ATP8A2: variants seen among roughly 807,000 people sequenced by gnomAD.
ATP8A2 encodes the protein ATPase phospholipid transporting 8A2, also known as phospholipid-transporting ATPase IB.
In ATP8A2, 100 loss-of-function variants were observed where a neutral mutation model predicts 165.6. The ratio of observed to expected loss-of-function variants is 0.60; its 90% confidence interval spans 0.51 to 0.71. ATP8A2 has a LOEUF of 0.71. Ranked by LOEUF, ATP8A2 falls within the 30% of genes least tolerant of loss-of-function variation. The pLI, the probability that ATP8A2 is intolerant of heterozygous loss-of-function variation, is 0.00. For synonymous variants in ATP8A2, 543 were observed against 548.8 expected, an observed-to-expected ratio of 0.99 and a Z score of 0.15; for missense variants, 1,227 against 1,479.5, an observed-to-expected ratio of 0.83 and a Z score of 2.80.
chr13:25,561,190 T>C (rs2039143177), intron 15 of ATP8A2, among the ~76,000 whole-genome samples: 1 of 152,200 alleles, frequency 6.6e-6, no homozygotes, highest in Admixed American at 6.5e-5. Flanking sequence ...GGACCACCAG[T>C]GGGCCATTCT....
At chr13:25,932,129 T>A (rs1954784543) in intron 33 of ATP8A2, among the ~76,000 whole-genome samples, 2 of 151,268 alleles carry the variant, frequency 1.3e-5, no homozygotes, top group Admixed American at 1.3e-4. Flanking sequence ...ACCCACACAG[T>A]GATGGATGCT....
At chr13:25,448,945 G>C (rs552777713) in intron 1 of ATP8A2, among the ~76,000 whole-genome samples, 4 of 152,114 alleles carry the variant, frequency 2.6e-5, no homozygotes. Flanking sequence ...GATTACAGGC[G>C]TGAGCCACCG....
rs1333259097 is a variant in ATP8A2 at position 25,943,921 on chromosome 13, T to C, written c.3184-17654T>C. ...CTCAGTTAGCACAACTGCTGTGTGC[T>C]GGAGGAATAGAGAAATCCTGTGGAA... On this transcript the variant is annotated intron_variant, in intron 33 of 36. Coordinates refer to ENST00000381655, the MANE Select transcript of ATP8A2 (RefSeq NM_016529.6). Among the ~76,000 whole-genome samples, 3 of 152,212 alleles carry C rather than the reference T, an allele frequency of 2.0e-5. No homozygotes were observed. The East Asian group carries it at 5.8e-4, about 29-fold the overall frequency.
chr13:25,395,857 T>C (rs1337068910), intron 1 of ATP8A2, among the ~76,000 whole-genome samples: 3 of 152,070 alleles, frequency 2.0e-5, no homozygotes, highest in Admixed American at 6.5e-5. Flanking sequence ...TTCTTTCTTT[T>C]TTTTTTTGAC....
chr13:25,769,185 GAA>G lies in ATP8A2; in HGVS notation c.2525_2526del (p.Glu842GlyfsTer43). 6.2e-7 allele frequency: 1 copy of G among 1,613,922 alleles called. No individual in the cohort carries two copies. The highest frequency in any genetic ancestry group is 8.5e-7 in the Non-Finnish European group (1 of 1,179,800). On this transcript the variant is annotated frameshift_variant, in exon 26 of 37. Transcript: ENST00000381655. LOFTEE classifies it high-confidence loss of function. ...CGTGGGTGTGGGAATCAGTGGGAATGAAGGCATGCAGGCCACCAACAACTCGG... is the reference window on the plus strand; with the variant it reads ...CGTGGGTGTGGGAATCAGTGGGAATGGGCATGCAGGCCACCAACAACTCGG... The part of the protein sequence containing the change: ...AHVGVGISGN[E>X]GMQATNNSDY...
At chr13:25,902,823 G>A (rs77870655) in intron 33 of ATP8A2, among the ~76,000 whole-genome samples, 133 of 152,082 alleles carry the variant, frequency 8.7e-4, no homozygotes, top group African/African-American at 3.1e-3. Flanking sequence ...ACAGGCCCAC[G>A]CTGGTTGAGT....
intron 25 of ATP8A2, among the ~76,000 whole-genome samples, chr13:25,719,819 G>T (rs894721924): frequency 6.6e-6 from 1 of 152,224 alleles, no homozygotes; most frequent in Non-Finnish European, 1.5e-5. Context: ...GGCCTGACTG[G>T]CAGGCGAGCT....
At chr13:25,545,287 A>G (rs1331920409) in intron 10 of ATP8A2, among the ~76,000 whole-genome samples, 1 of 152,128 alleles carries the variant, frequency 6.6e-6, no homozygotes, top group Non-Finnish European at 1.5e-5. Context: ...GTGTATCTGA[A>G]GTGTGCCTGA....
At chr13:25,386,307 TC>T (rs2033042982) in intron 1 of ATP8A2, among the ~76,000 whole-genome samples, 1 of 152,182 alleles carries the variant, frequency 6.6e-6, no homozygotes. Flanking sequence ...AAACCAGTTT[TC>T]TTTGTGATGA....
chr13:25,810,181 G>A (rs1950831956), intron 27 of ATP8A2, among the ~76,000 whole-genome samples: 1 of 152,180 alleles, frequency 6.6e-6, no homozygotes. Flanking sequence ...CTCTCTGAAC[G>A]AGGCTTCTTA....
intron 2 of ATP8A2, among the ~76,000 whole-genome samples, chr13:25,508,988 C>T (rs566722696): frequency 2.0e-5 from 3 of 152,274 alleles, no homozygotes; most frequent in South Asian, 2.1e-4. Context: ...AATAACATTT[C>T]GTTGGGTTTA....
At position 25,684,063 on chromosome 13, in the gene ATP8A2, G is replaced by A. The variant is rs372842268; in HGVS notation, c.2212-15110G>A. ...GAACAATGAGATGCTTAAAAGGTTT[G>A]AGAGGAAACAAAATTTCTAACGAAT... is the stretch of plus-strand genomic sequence containing the variant. On this transcript the variant is annotated intron_variant, in intron 24 of 36. Transcript: ENST00000381655. Among the ~76,000 whole-genome samples, 3 of 152,284 alleles carry A rather than the reference G, an allele frequency of 2.0e-5. No homozygotes were observed. The East Asian group carries it at 5.8e-4, about 29-fold the overall frequency.
At chr13:25,759,672 A>T (rs1241920354) in intron 25 of ATP8A2, among the ~76,000 whole-genome samples, 1 of 152,212 alleles carries the variant, frequency 6.6e-6, no homozygotes. Flanking sequence ...CTGTTTCAGC[A>T]TGGGAACAGA....
Position 25,664,389 on chromosome 13 carries a change from C to T in ATP8A2, c.2212-34784C>T, listed in dbSNP as rs185382229. Among the ~76,000 whole-genome samples the T allele has an allele frequency of 9.8e-4, 149 of 152,274 alleles. 1 individual carries two copies. The highest frequency in any genetic ancestry group is 1.8e-3 in the Admixed American group (27 of 15,300). On this transcript the variant is annotated intron_variant, in intron 24 of 36. Transcript: ENST00000381655. ...ATGTCATCATTTCCTTCCTCACCCA[C>T]GCCTCTTCTGGAGTGGGCAGTTGGT...
At chr13:25,543,055 C>A (rs960029658) in intron 9 of ATP8A2, among the ~76,000 whole-genome samples, 1 of 152,098 alleles carries the variant, frequency 6.6e-6, no homozygotes, top group Non-Finnish European at 1.5e-5. Flanking sequence ...TTACCTGCAA[C>A]ATTTTATAGA....
At chr13:25,461,571 A>T (rs2035502946) in intron 1 of ATP8A2, among the ~76,000 whole-genome samples, 2 of 152,180 alleles carry the variant, frequency 1.3e-5, no homozygotes, top group African/African-American at 2.4e-5. Flanking sequence ...CAAAGAGAAA[A>T]CTACACTTAC....
intron 28 of ATP8A2, 54 bp from the exon 29 acceptor site, chr13:25,837,109 G>T: frequency 6.3e-7 from 1 of 1,590,064 alleles, no homozygotes. Flanking sequence ...AGGGAACAAT[G>T]AAGCCGTGTG....
At chr13:25,600,813 G>A (rs2040364423) in intron 24 of ATP8A2, among the ~76,000 whole-genome samples, 4 of 152,178 alleles carry the variant, frequency 2.6e-5, no homozygotes, top group African/African-American at 9.7e-5. Flanking sequence ...TCCAGTCTCT[G>A]AAATACAGGG....
chr13:25,961,636 G>A lies in ATP8A2; in HGVS notation c.3245G>A (p.Cys1082Tyr), dbSNP rs1955662124. 2.5e-6 allele frequency: 4 copies of A among 1,613,984 alleles called. No individual in the cohort carries two copies. Among genetic ancestry groups the A allele is most frequent in the Non-Finnish European group, 3.4e-6 (4 of 1,179,872 alleles). The change falls in exon 34 of 37, where the codon TGT (cysteine) becomes TAT (tyrosine). Residue 1082 changes from cysteine (C) to tyrosine (Y), a missense_variant. Cys to Tyr is a radical substitution (Grantham distance 194). Around this residue, in one of 5 missense-constraint regions of ATP8A2, gnomAD observed 260 missense variants for 245.1 expected, o/e 1.06. Coordinates refer to ENST00000381655, the MANE Select transcript of ATP8A2 (RefSeq NM_016529.6). Reference sequence around the variant, plus strand: ...GGATTATTTCTGGTTCCTACTGCCTGTTTGATTGAAGATGTGGCATGGAGA... The same window carrying A: ...GGATTATTTCTGGTTCCTACTGCCTATTTGATTGAAGATGTGGCATGGAGA... ...WLGLFLVPTA[C>Y]LIEDVAWRAA...
Sources: allele counts gnomAD v4.1 joint callset (sites outside exome capture counted in the v4.1 genomes callset), GRCh38; gene constraint gnomAD v4.1.1; regional missense constraint gnomAD v4.1.1; transcripts MANE v1.5; gene names NCBI Gene and HGNC (gene_info 2026-07-23, HGNC 2026-07-21).